The following MYOM2 variants were observed in gnomAD, a reference collection of about 807,000 sequenced individuals.
The protein encoded by MYOM2 is myomesin 2.
A neutral mutation model predicts 187.6 loss-of-function variants in MYOM2; 254 were observed. The observed-to-expected ratio is 1.35, with a 90% CI of 1.22 to 1.50. The LOEUF is 1.50. Among genes scored for constraint, MYOM2 ranks in the 40% most tolerant of loss-of-function variants. The pLI, the probability that MYOM2 is intolerant of heterozygous loss-of-function variation, is 0.00. For synonymous variants in MYOM2, 981 were observed against 753.8 expected (o/e 1.30, Z -4.94); for missense variants, 2,796 against 1,924.0 (o/e 1.45, Z -8.48).
At chr8:2,093,949 C>T (rs748733308) in intron 16 of MYOM2, 21 bp from the exon 17 acceptor site, 1 of 1,612,890 alleles carries the variant, frequency 6.2e-7, no homozygotes, top group South Asian at 1.1e-5. Flanking sequence ...CAGTTCTGAC[C>T]CTGATCCCTG....
intron 28 of MYOM2, 63 bp from the exon 29 acceptor site, chr8:2,123,189 G>A: frequency 1.8e-6 from 2 of 1,110,646 alleles, no homozygotes; most frequent in Admixed American, 2.2e-5. Context: ...GATTCTAATA[G>A]ACTTTCTTTT....
chr8:2,080,895 G>A (rs1033114929), intron 13 of MYOM2, among the ~76,000 whole-genome samples: 1 of 139,974 alleles, frequency 7.1e-6, no homozygotes, highest in African/African-American at 3.0e-5. Context: ...AGCCCAGCCC[G>A]TGCAGAATGA....
chr8:2,117,637 G>T (rs1585935916), intron 27 of MYOM2, among the ~76,000 whole-genome samples: 1 of 152,262 alleles, frequency 6.6e-6, no homozygotes, highest in Admixed American at 6.5e-5. Context: ...CTACCAGGAA[G>T]CACAGATTCC....
Position 2,057,438 on chromosome 8 carries a change from A to C in MYOM2, c.354A>C (p.Ala118=), listed in dbSNP as rs767115007. 4.3e-6 allele frequency: 7 copies of C among 1,613,910 alleles called. No homozygotes were observed. Among genetic ancestry groups the C allele is most frequent in the Middle Eastern group, 1.6e-4 (1 of 6,084 alleles). Reference sequence around the variant, plus strand: ...ACTTGGAGGAGGATGTCCACCTGGCACGCTCCCAGGCCCGCGACAAGCTGG... The same window carrying C: ...ACTTGGAGGAGGATGTCCACCTGGCCCGCTCCCAGGCCCGCGACAAGCTGG... The part of the protein sequence containing the change: ...LAHLEEDVHL[A]RSQARDKLDK... Residue 118 remains alanine (A), a synonymous_variant, in exon 4 of 37, where the codon GCA becomes GCC. Transcript: ENST00000262113.
chr8:2,117,732 C>A (rs555875504), intron 27 of MYOM2, among the ~76,000 whole-genome samples, 153 bp from the exon 28 acceptor site: 1 of 151,676 alleles, frequency 6.6e-6, no homozygotes. Context: ...TGTGTTCTGC[C>A]AAAAATGCAT....
chr8:2,143,628 A>G (rs1798356414), intron 36 of MYOM2, among the ~76,000 whole-genome samples, 172 bp downstream of exon 36: 2 of 152,116 alleles, frequency 1.3e-5, no homozygotes, highest in Admixed American at 1.3e-4. Context: ...ACGGCTTGGA[A>G]TAGCCCCTGT....
chr8:2,088,962 T>C (rs1392249896), intron 14 of MYOM2, among the ~76,000 whole-genome samples: 1 of 152,034 alleles, frequency 6.6e-6, no homozygotes, highest in Non-Finnish European at 1.5e-5. Flanking sequence ...TGCGCTCGCT[T>C]GGGGTCGCAA....
intron 13 of MYOM2, among the ~76,000 whole-genome samples, chr8:2,083,880 A>T (rs1819719662): frequency 6.6e-6 from 1 of 152,120 alleles, no homozygotes; most frequent in Non-Finnish European, 1.5e-5. Context: ...CATCAAAGGA[A>T]CTGTCTCTCA....
intron 6 of MYOM2, among the ~76,000 whole-genome samples, chr8:2,060,879 C>G (rs77091733): frequency 0.012 from 1,847 of 152,146 alleles, 27 homozygotes; most frequent in African/African-American, 0.041. Flanking sequence ...GGAGAGAAAC[C>G]GGGCTCAGCT....
At chr8:2,131,894 G>T (rs1400340238) in intron 32 of MYOM2, among the ~76,000 whole-genome samples, 2 of 151,992 alleles carry the variant, frequency 1.3e-5, no homozygotes, top group African/African-American at 2.4e-5. Context: ...CCACCCACCT[G>T]GGCCTCCCAA....
At chr8:2,055,517 C>A (rs887138974) in intron 3 of MYOM2, among the ~76,000 whole-genome samples, 1 of 151,708 alleles carries the variant, frequency 6.6e-6, no homozygotes, top group Non-Finnish European at 1.5e-5. Flanking sequence ...GTGGTCGGAG[C>A]GGGGACAGGG....
intron 32 of MYOM2, among the ~76,000 whole-genome samples, chr8:2,137,240 GGATGAGCTCACACAGGGT>G (rs1563082677): frequency 2.6e-5 from 4 of 152,018 alleles, no homozygotes; most frequent in African/African-American, 4.8e-5. Flanking sequence ...ATGTGTGGGA[GGATGAGCTCACACAGGGT>G]GATGAGCTCA....
At chr8:2,086,189 A>G (rs1335338997) in intron 14 of MYOM2, among the ~76,000 whole-genome samples, 183 of 874 alleles carry the variant, frequency 0.21, 55 homozygotes, top group Non-Finnish European at 0.24. Context: ...CCCCACTGTC[A>G]TGATCTCTGC....
intron 32 of MYOM2, among the ~76,000 whole-genome samples, chr8:2,130,717 G>C (rs1797834894): frequency 6.6e-6 from 1 of 152,176 alleles, no homozygotes; most frequent in Non-Finnish European, 1.5e-5. Flanking sequence ...AGTCACTGTA[G>C]ATCCCATGTT....
chr8:2,116,192 T>C (rs1563066293), intron 26 of MYOM2, 24 bp from the exon 27 acceptor site: 2 of 1,598,644 alleles, frequency 1.3e-6, no homozygotes, highest in Non-Finnish European at 8.5e-7. Context: ...GTTTCATATA[T>C]ATTTTTTTAA....
chr8:2,051,847 TG>T (rs998463211), intron 2 of MYOM2, among the ~76,000 whole-genome samples: 1 of 152,118 alleles, frequency 6.6e-6, no homozygotes, highest in African/African-American at 2.4e-5. Context: ...TGTGTAGGTT[TG>T]TTTATGTGTG....
chr8:2,062,606 T>G (rs1430807366), intron 6 of MYOM2, among the ~76,000 whole-genome samples: 1 of 152,036 alleles, frequency 6.6e-6, no homozygotes, highest in Non-Finnish European at 1.5e-5. Flanking sequence ...CCTCTCCAAG[T>G]TTTTCAGAGA....
intron 3 of MYOM2, among the ~76,000 whole-genome samples, chr8:2,054,392 C>T (rs917966444): frequency 6.6e-6 from 1 of 152,156 alleles, no homozygotes; most frequent in Non-Finnish European, 1.5e-5. Flanking sequence ...CCTTCAGTCC[C>T]AGTGAAAAAT....
Position 2,045,431 on chromosome 8 carries a change from G to A in MYOM2, c.-13+263G>A, listed in dbSNP as rs534074860. On this transcript the variant is annotated intron_variant, in intron 1 of 36. Transcript: ENST00000262113. The stretch of plus-strand genomic sequence containing the variant: ...TAAGTGCCGTTTAGCACCCTGCGGC[G>A]TGTGCTTTGGGTTTTAGCCCTGGTC... Among the ~76,000 whole-genome samples, 15 of 152,230 alleles carry A rather than the reference G, an allele frequency of 9.9e-5. No individual in the cohort carries two copies. In the East Asian group the frequency reaches 2.7e-3, roughly 27 times the overall value.
Sources: gnomAD v4.1 joint callset for allele counts (sites outside exome capture counted in the v4.1 genomes callset) on GRCh38, gnomAD v4.1.1 for gene constraint, MANE v1.5 for transcripts, NCBI Gene and HGNC (gene_info 2026-07-23, HGNC 2026-07-21) for gene names.